IQSEC1: variants seen among roughly 807,000 people sequenced by gnomAD.
IQSEC1 encodes IQ motif and SEC7 domain-containing protein 1.
Under a neutral mutation model 91.0 loss-of-function variants are expected in IQSEC1, and 31 were observed. The observed-to-expected ratio is 0.34, with a 90% confidence interval of 0.26 to 0.46. The LOEUF is 0.46. Among genes scored for constraint, IQSEC1 ranks in the 20% least tolerant of loss-of-function variants. The pLI is 1.00. For synonymous variants in IQSEC1, 699 were observed against 662.6 expected (o/e 1.05, Z -0.84); for missense variants, 1,388 against 1,575.6 (o/e 0.88, Z 2.02).
Position 12,901,463 on chromosome 3 carries a change from T to C in IQSEC1, c.2865A>G (p.Pro955=), listed in dbSNP as rs1421117776. Residue 955 remains proline (P), a synonymous_variant, in exon 14 of 14, where the codon CCA becomes CCG. Coordinates refer to ENST00000613206, the MANE Select transcript of IQSEC1 (RefSeq NM_001134382.3). ...TGGGCATAGTCTGGTGTGGGCGAGA[T>C]GGACACTCTCGTGTTGATGTAGCTC... is the stretch of plus-strand genomic sequence containing the variant. The part of the protein sequence containing the change: ...RRRATSTREC[P]SRPHQTMPNS... 6.5e-7 allele frequency: 1 copy of C among 1,549,526 alleles called. No individual in the cohort carries two copies. Among genetic ancestry groups the C allele is most frequent in the Non-Finnish European group, 8.7e-7 (1 of 1,146,814 alleles).
chr3:12,919,322 A>G (rs1249945347), intron 6 of IQSEC1, among the ~76,000 whole-genome samples: 1 of 152,198 alleles, frequency 6.6e-6, no homozygotes, highest in East Asian at 1.9e-4. Context: ...ATGAGCTCTA[A>G]GCCACGCCCC....
At chr3:13,142,842 C>T (rs1036122871) in intron 2 of IQSEC1, among the ~76,000 whole-genome samples, 4 of 152,196 alleles carry the variant, frequency 2.6e-5, no homozygotes, top group Non-Finnish European at 5.9e-5. Flanking sequence ...CCACAAAGCC[C>T]GAACTGTTTA....
chr3:13,056,458 G>C (rs1170207881), intron 1 of IQSEC1, among the ~76,000 whole-genome samples: 3 of 152,106 alleles, frequency 2.0e-5, no homozygotes, highest in Non-Finnish European at 4.4e-5. Context: ...TTCAGGTGCT[G>C]ACAGGATCTC....
chr3:12,934,959 C>T (rs541978949), intron 3 of IQSEC1, among the ~76,000 whole-genome samples: 49 of 151,908 alleles, frequency 3.2e-4, no homozygotes, highest in African/African-American at 1.1e-3. Flanking sequence ...ACTCCTACCC[C>T]CAGACATGGC....
chr3:13,074,100 T>G (rs987528238), upstream of IQSEC1, among the ~76,000 whole-genome samples: 1 of 152,128 alleles, frequency 6.6e-6, no homozygotes, highest in African/African-American at 2.4e-5. Context: ...GAAGTAAGTG[T>G]GCAGATATAG....
At chr3:12,918,202 A>T (rs1429680584) in intron 6 of IQSEC1, among the ~76,000 whole-genome samples, 5 of 152,202 alleles carry the variant, frequency 3.3e-5, no homozygotes, top group Non-Finnish European at 7.3e-5. Flanking sequence ...CTCTGGGCTG[A>T]AAAGGGGTGA....
chr3:13,028,217 CGAAT>C (rs1355946512), intron 1 of IQSEC1, among the ~76,000 whole-genome samples: 2 of 152,196 alleles, frequency 1.3e-5, no homozygotes, highest in Non-Finnish European at 1.5e-5. Flanking sequence ...GAATACCTGC[CGAAT>C]GAATGAATGA....
rs1696772475 is a variant in IQSEC1, at chr3:12,922,959, C to A, written c.1731-717G>T. On this transcript the variant is annotated intron_variant, in intron 4 of 13. Transcript: ENST00000613206. This position sits in a 1 kb window ranked among gnomAD's most constrained non-coding sequence, Gnocchi z 5.1. The stretch of plus-strand genomic sequence containing the variant: ...GCTCCCTAATGATGCTGCGGTCACT[C>A]CCATGGGGCAGAGAGAGGCCTGGCC... Among the ~76,000 whole-genome samples, 1 of 152,210 alleles carries A rather than the reference C, an allele frequency of 6.6e-6. No homozygotes were observed. Among genetic ancestry groups the A allele is most frequent in the African/African-American group, 2.4e-5 (1 of 41,456 alleles).
chr3:13,282,398 C>T lies in IQSEC1; in HGVS notation c.272+313G>A, dbSNP rs1006990930. On this transcript the variant is annotated intron_variant, in intron 1 of 15. Coordinates refer to the IQSEC1 transcript ENST00000648114. The surrounding 1 kb of genome is among the most constrained non-coding windows in gnomAD (Gnocchi z 6.4). Reference sequence around the variant, plus strand: ...CGGACAGACCTCCGCCCGGCTCGTCCGAGCCCCGGGGGTCGCCAACCCTGA... The same window carrying T: ...CGGACAGACCTCCGCCCGGCTCGTCTGAGCCCCGGGGGTCGCCAACCCTGA... Among the ~76,000 whole-genome samples, 3 of 152,118 alleles carry T rather than the reference C, an allele frequency of 2.0e-5. No homozygotes were observed. Among genetic ancestry groups the T allele is most frequent in the African/African-American group, 7.2e-5 (3 of 41,432 alleles).
At chr3:12,949,681 G>T (rs1410957561) in intron 1 of IQSEC1, among the ~76,000 whole-genome samples, 4 of 152,234 alleles carry the variant, frequency 2.6e-5, no homozygotes, top group Admixed American at 1.3e-4. Context: ...AGGAAGGAAG[G>T]GGATGGTCTT....
chr3:12,902,731 C>A (rs765037587), intron 13 of IQSEC1, 42 bp downstream of exon 13: 6 of 1,261,746 alleles, frequency 4.8e-6, no homozygotes, highest in African/African-American at 1.6e-5. Context: ...CTGGGGAAGG[C>A]GACACAGGAC....
intron 1 of IQSEC1, among the ~76,000 whole-genome samples, chr3:13,239,667 CCA>C (rs936044493): frequency 6.6e-6 from 1 of 152,232 alleles, no homozygotes; most frequent in African/African-American, 2.4e-5. Context: ...CCCTCGGAGC[CCA>C]CCCACAGGGG....
At chr3:13,262,540 A>G (rs73136172) in intron 1 of IQSEC1, among the ~76,000 whole-genome samples, 7,235 of 152,188 alleles carry the variant, frequency 0.048, 563 homozygotes, top group African/African-American at 0.16. Flanking sequence ...TCACCCCAGC[A>G]CCCAGCAACC....
In IQSEC1 at chr3:12,979,530, G is replaced by A. The variant is rs893019335; in HGVS notation, c.24-37665C>T. Among the ~76,000 whole-genome samples the A allele has an allele frequency of 6.6e-6, 1 of 152,222 alleles. No homozygotes were observed. Among genetic ancestry groups the A allele is most frequent in the Non-Finnish European group, 1.5e-5 (1 of 68,042 alleles). Reference sequence around the variant, plus strand: ...CACACACACACTCTAAGATGTCCCTGGACAGCGGTTGTCTCTGGGGAGGGG... The same window carrying A: ...CACACACACACTCTAAGATGTCCCTAGACAGCGGTTGTCTCTGGGGAGGGG... On this transcript the variant is annotated intron_variant, in intron 1 of 13. Transcript: ENST00000613206. The surrounding 1 kb of genome is among the most constrained non-coding windows in gnomAD (Gnocchi z 4.3).
intron 2 of IQSEC1, among the ~76,000 whole-genome samples, chr3:13,096,585 G>A (rs1312157302): frequency 1.3e-5 from 2 of 152,196 alleles, no homozygotes; most frequent in African/African-American, 2.4e-5. Context: ...ATATGAGTTC[G>A]CTGTGGCCTG....
chr3:13,120,712 G>C (rs1455996218), intron 2 of IQSEC1, among the ~76,000 whole-genome samples: 1 of 152,214 alleles, frequency 6.6e-6, no homozygotes, highest in Non-Finnish European at 1.5e-5. Context: ...GCCAGGTAGA[G>C]AGGCAGGACG....
chr3:12,913,098 C>T (rs545203018), intron 9 of IQSEC1, among the ~76,000 whole-genome samples: 26 of 152,360 alleles, frequency 1.7e-4, no homozygotes, highest in African/African-American at 5.1e-4. Flanking sequence ...GCTGGGGCCA[C>T]CTTCCCCTTC....
At chr3:13,199,547 C>A (rs577320388) in intron 1 of IQSEC1, among the ~76,000 whole-genome samples, 7 of 152,312 alleles carry the variant, frequency 4.6e-5, no homozygotes, top group African/African-American at 1.7e-4. Context: ...CCACTCCCCA[C>A]TTGCTGTGCT....
At position 12,992,734 on chromosome 3, in the gene IQSEC1, G is replaced by A. The variant is rs1265832011; in HGVS notation, c.24-50869C>T. Reference sequence around the variant, plus strand: ...AGGCAGAGCCGACTGCTGTCCTTGTGAGCCTCATCTCCTGGACAAGGCCAG... The same window carrying A: ...AGGCAGAGCCGACTGCTGTCCTTGTAAGCCTCATCTCCTGGACAAGGCCAG... On this transcript the variant is annotated intron_variant, in intron 1 of 13. Transcript: ENST00000613206. The surrounding 1 kb of genome is among the most constrained non-coding windows in gnomAD (Gnocchi z 4.1). Among the ~76,000 whole-genome samples, 2 of 152,154 alleles carry A rather than the reference G, an allele frequency of 1.3e-5. No homozygotes were observed. Among genetic ancestry groups the A allele is most frequent in the Non-Finnish European group, 2.9e-5 (2 of 68,032 alleles).
Sources: gnomAD v4.1 joint callset for allele counts (sites outside exome capture counted in the v4.1 genomes callset) on GRCh38, gnomAD v4.1.1 for gene constraint, Gnocchi (gnomAD v3.1) non-coding constraint, MANE v1.5 for transcripts, NCBI Gene and HGNC (gene_info 2026-07-23, HGNC 2026-07-21) for gene names.